The following NPC1L1 variants were observed in gnomAD, a reference collection of about 807,000 sequenced individuals.
NPC1L1 encodes the protein NPC1-like intracellular cholesterol transporter 1.
Under a neutral mutation model 117.0 loss-of-function variants are expected in NPC1L1, and 98 were observed. The ratio of observed to expected loss-of-function variants is 0.84; its 90% CI spans 0.71 to 0.99. The LOEUF (loss-of-function observed/expected upper bound fraction) is 0.99, where lower values mean the gene tolerates loss of function less well. NPC1L1 is among the 50% of genes least tolerant of loss of function. The pLI is 0.00. For synonymous variants in NPC1L1, 729 were observed against 727.6 expected, an observed-to-expected ratio of 1.00 and a Z score of -0.03; for missense variants, 1,540 against 1,710.0, an observed-to-expected ratio of 0.90 and a Z score of 1.75.
At chr7:44,523,058 T>G (rs1801408656) in intron 10 of NPC1L1, among the ~76,000 whole-genome samples, 1 of 152,086 alleles carries the variant, frequency 6.6e-6, no homozygotes, top group Admixed American at 6.5e-5. Context: ...TATTTTGTTT[T>G]TGTTTTGTTT....
intron 10 of NPC1L1, 131 bp from the exon 11 acceptor site, chr7:44,522,373 A>G: frequency 1.2e-6 from 1 of 860,808 alleles, no homozygotes; most frequent in South Asian, 1.4e-5. Flanking sequence ...GTCCATGATC[A>G]GAGGAACACA....
chr7:44,521,246 G>T, intron 12 of NPC1L1, 128 bp from the exon 13 acceptor site: 3 of 1,269,570 alleles, frequency 2.4e-6, no homozygotes, highest in Non-Finnish European at 3.4e-6. Context: ...GCTTCTAGGG[G>T]GATTTGCATT....
At chr7:44,517,710 C>T (rs1801234646) in intron 14 of NPC1L1, among the ~76,000 whole-genome samples, 1 of 152,012 alleles carries the variant, frequency 6.6e-6, no homozygotes, top group Non-Finnish European at 1.5e-5. Flanking sequence ...TTTGCATATT[C>T]CTATAGGAAA....
At chr7:44,541,027 C>T (rs1224939448) in intron 1 of NPC1L1, among the ~76,000 whole-genome samples, 179 bp downstream of exon 1, 1 of 152,172 alleles carries the variant, frequency 6.6e-6, no homozygotes, top group East Asian at 1.9e-4. Flanking sequence ...CCTGGAAACC[C>T]TCCACCTGCA....
At position 44,528,762 on chromosome 7, in the gene NPC1L1, C is replaced by T. The variant is rs9638975; in HGVS notation, c.2637+2993G>A. Reference sequence around the variant, plus strand: ...TTACTGTAAATGTAAATGGATTAAACTCTCCAATCAAAAGAGAGTAGTAGG... The same window carrying T: ...TTACTGTAAATGTAAATGGATTAAATTCTCCAATCAAAAGAGAGTAGTAGG... On this transcript the variant is annotated intron_variant, in intron 10 of 18. Transcript: ENST00000381160. Among the ~76,000 whole-genome samples, 338 of 152,234 alleles carry T rather than the reference C, an allele frequency of 2.2e-3. 6 individuals carry two copies. The East Asian group carries it at 0.055, about 25-fold the overall frequency.
chr7:44,538,745 G>T lies in NPC1L1; in HGVS notation c.1580+72C>A. The T allele has an allele frequency of 2.0e-6, 3 of 1,501,652 alleles. No homozygotes were observed. The highest frequency in any genetic ancestry group is 1.8e-6 in the Non-Finnish European group (2 of 1,081,748). The allele number at this position is 1,501,652 out of a possible 1,614,324, so 93.0% of individuals were successfully genotyped here. ...CAGGACCAGCTGTATGCCCGGCCAG[G>T]TTCCCAGGAGGCCATGGCAGCCCAG... On this transcript the variant is annotated intron_variant, in intron 2 of 18. Transcript: ENST00000381160. The surrounding 1 kb of genome is among the most constrained non-coding windows in gnomAD (Gnocchi z 5.9).
chr7:44,521,631 G>A, intron 12 of NPC1L1, 81 bp downstream of exon 12: 7 of 1,601,748 alleles, frequency 4.4e-6, no homozygotes, highest in South Asian at 1.1e-5. Flanking sequence ...GGTTGAGGGA[G>A]CCTCTCCAGT....
chr7:44,533,903 C>T (rs1207980392), intron 6 of NPC1L1, 50 bp from the exon 7 acceptor site: 1 of 1,481,706 alleles, frequency 6.7e-7, no homozygotes, highest in East Asian at 2.4e-5. Flanking sequence ...AGGGCACCGC[C>T]CCTCAAAGGC....
At chr7:44,528,404 T>C (rs1801591373) in intron 10 of NPC1L1, among the ~76,000 whole-genome samples, 1 of 152,184 alleles carries the variant, frequency 6.6e-6, no homozygotes, top group Non-Finnish European at 1.5e-5. Context: ...CATGGCTAGC[T>C]CAAGATATAA....
At chr7:44,531,704 G>A (rs1051019525) in intron 10 of NPC1L1, 51 bp downstream of exon 10, 5 of 1,502,630 alleles carry the variant, frequency 3.3e-6, no homozygotes, top group Admixed American at 2.0e-5. Context: ...GGTTGCTACT[G>A]CCCCTCCCCA....
At position 44,532,162 on chromosome 7, in the gene NPC1L1, C is replaced by T. The variant is rs761317006; in HGVS notation, c.2465G>A (p.Gly822Asp). ...CVKPQELPPP[G>D]QGEGLLLGFF... ...GCCAAGCAGGAGCCCCTCTCCCTGG[C>T]CAGGCGGGGGCAGCTCCTGGGGCTT... The change falls in exon 9 of 19, where the codon GGC becomes GAC. Residue 822 changes from glycine (G) to aspartate (D), a missense_variant. By Grantham distance (94) the Gly-to-Asp change is moderately conservative. Around this residue, in one of 3 missense-constraint regions of NPC1L1, gnomAD observed 742 missense variants for 873.6 expected, o/e 0.85. Coordinates refer to ENST00000381160, the MANE Select transcript of NPC1L1 (RefSeq NM_001101648.2). 3.7e-6 allele frequency: 6 copies of T among 1,613,884 alleles called. 1 individual carries two copies. In the Middle Eastern group the frequency reaches 8.2e-4, roughly 221 times the overall value.
rs1202335839 is a variant in NPC1L1 at position 44,539,302 on chromosome 7, G to C, written c.1095C>G (p.Ala365=). 1.9e-6 allele frequency: 3 copies of C among 1,613,936 alleles called. No homozygotes were observed. In the African/African-American group the frequency reaches 4.0e-5, roughly 22 times the overall value. ...CTGTAAAGACCAGGCCCGCTGCCAA[G>C]GCCACCACCGGGATGACAGATAGCA... ...ILVLSVIPVV[A]LAAGLVFTEL... The change falls in exon 2 of 19, where the codon GCC becomes GCG. Residue 365 remains alanine (A), a synonymous_variant. Transcript: ENST00000381160. The surrounding 1 kb of genome is among the most constrained non-coding windows in gnomAD (Gnocchi z 4.4).
rs1046101471 is a variant in NPC1L1, at chr7:44,512,568, T to C, written c.*879A>G. 1.3e-5 allele frequency: 2 copies of C among 152,298 alleles called. No individual in the cohort carries two copies. The highest frequency in any genetic ancestry group is 4.8e-5 in the African/African-American group (2 of 41,480). 9.4% of individuals were successfully genotyped at this position (152,298 alleles called of 1,614,324 possible). A position where few individuals can be genotyped will look rare whatever the true frequency, so the allele number is the denominator to read the frequency against. On this transcript the variant is annotated 3_prime_UTR_variant, in exon 19 of 19. Coordinates refer to ENST00000381160, the MANE Select transcript of NPC1L1 (RefSeq NM_001101648.2). ...AACAAATGTTTATTAAACACCTATG[T>C]GCACAGCACAGAGCCAGGATCTTCA...
At chr7:44,531,264 C>T (rs577192952) in intron 10 of NPC1L1, among the ~76,000 whole-genome samples, 1 of 152,346 alleles carries the variant, frequency 6.6e-6, no homozygotes, top group South Asian at 2.1e-4. Context: ...CTCATCCCAC[C>T]CCCACAGTCG....
At position 44,516,815 on chromosome 7, in the gene NPC1L1, C is replaced by T. The variant is rs767241752; in HGVS notation, c.3407G>A (p.Arg1136His). Reference protein sequence around the residue: ...VSCLLLGLDLRSGLLNLLSIV... With the variant: ...VSCLLLGLDLHSGLLNLLSIV... Reference sequence around the variant, plus strand: ...GGAGAGCAGGTTGAGGAGGCCGGAGCGCAGGTCCAGGCCCAGCAGGAGGCA... The same window carrying T: ...GGAGAGCAGGTTGAGGAGGCCGGAGTGCAGGTCCAGGCCCAGCAGGAGGCA... Residue 1136 changes from arginine (R) to histidine (H), a missense_variant, in exon 16 of 19, where the codon CGC becomes CAC. By Grantham distance (29) the Arg-to-His change is conservative. Transcript: ENST00000381160. 5.5e-5 allele frequency: 88 copies of T among 1,614,030 alleles called. 1 individual carries two copies. Among genetic ancestry groups the T allele is most frequent in the Admixed American group, 2.5e-4 (15 of 60,008 alleles).
rs181511121 is a variant in NPC1L1 at position 44,519,078 on chromosome 7, T to A, written c.3136+1687A>T. ...TCTTCTCTCTTCTTTTCTTTCAATA[T>A]CTGGCTTTTTTGCCCAGGCTGGTCT... On this transcript the variant is annotated intron_variant, in intron 14 of 18. Coordinates refer to ENST00000381160, the MANE Select transcript of NPC1L1 (RefSeq NM_001101648.2). 2.6e-5 allele frequency among the ~76,000 whole-genome samples: 4 copies of A among 152,056 alleles called. No individual in the cohort carries two copies. In the East Asian group the frequency reaches 7.7e-4, roughly 29 times the overall value.
Position 44,540,286 on chromosome 7 carries a change from G to A in NPC1L1, c.111C>T (p.Asp37=), listed in dbSNP as rs143153721. The change falls in exon 2 of 19, where the codon GAC becomes GAT. Residue 37 remains aspartate (D), a synonymous_variant. Coordinates refer to ENST00000381160, the MANE Select transcript of NPC1L1 (RefSeq NM_001101648.2). ...IHQPGYCAFY[D]ECGKNPELSG... ...ACAGCTCTGGGTTCTTCCCACATTC[G>A]TCATAGAAGGCGCAGTAGCCAGGCT... 31 of 1,613,840 alleles carry A rather than the reference G, an allele frequency of 1.9e-5. No homozygotes were observed. The highest frequency in any genetic ancestry group is 1.6e-4 in the Middle Eastern group (1 of 6,084).
intron 5 of NPC1L1, among the ~76,000 whole-genome samples, chr7:44,535,067 T>C (rs554214524): frequency 6.6e-6 from 1 of 151,950 alleles, no homozygotes; most frequent in Admixed American, 6.6e-5. Context: ...ACCCCATCTC[T>C]ACAAAAACTA....
At chr7:44,533,149 G>A in intron 8 of NPC1L1, 1 of 361,592 alleles carries the variant, frequency 2.8e-6, no homozygotes, top group South Asian at 2.4e-5. Flanking sequence ...TGCTTAGACA[G>A]TCGGTGCCCT....
Sources: gnomAD v4.1 joint callset for allele counts (sites outside exome capture counted in the v4.1 genomes callset) on GRCh38, gnomAD v4.1.1 for gene constraint, gnomAD v4.1.1 regional missense constraint, Gnocchi (gnomAD v3.1) non-coding constraint, MANE v1.5 for transcripts, NCBI Gene and HGNC (gene_info 2026-07-23, HGNC 2026-07-21) for gene names.